The following ZFHX3 variants were observed in gnomAD, a reference collection of about 807,000 sequenced individuals.
ZFHX3 encodes the protein zinc finger homeobox protein 3.
ZFHX3 carries 42 observed loss-of-function variants against 279.1 expected under a neutral mutation model. That is an observed-to-expected ratio of 0.15 (90% CI 0.12 to 0.19). The LOEUF is 0.19. Among genes scored for constraint, ZFHX3 ranks in the 10% least tolerant of loss-of-function variants. The pLI, the probability that ZFHX3 is intolerant of heterozygous loss-of-function variation, is 1.00. For missense variants in ZFHX3, 4,981 were observed against 4,754.0 expected, an observed-to-expected ratio of 1.05 and a Z score of -1.40; for synonymous variants, 2,293 against 1,957.8, an observed-to-expected ratio of 1.17 and a Z score of -4.52.
chr16:72,795,779 A>G lies in ZFHX3; in HGVS notation c.6903T>C (p.Tyr2301=), dbSNP rs768985188. ...CATCTTTGCCCTCTCCCTGATTCTC[A>G]TAATTCTTCCTGGCCTTCTGTCGGG... ...QNARQKARKN[Y]ENQGEGKDGE... The change falls in exon 9 of 10, where the codon TAT becomes TAC. Residue 2301 remains tyrosine, a synonymous_variant. Coordinates refer to ENST00000268489, the MANE Select transcript of ZFHX3 (RefSeq NM_006885.4). 5.0e-5 allele frequency: 81 copies of G among 1,614,082 alleles called. No individual in the cohort carries two copies. The highest frequency in any genetic ancestry group is 6.0e-5 in the Non-Finnish European group (71 of 1,180,032).
intron 4 of ZFHX3, among the ~76,000 whole-genome samples, chr16:73,261,042 C>A (rs1426324821): frequency 6.6e-6 from 1 of 152,088 alleles, no homozygotes; most frequent in Non-Finnish European, 1.5e-5. Flanking sequence ...AGCAGATATG[C>A]CCACACACTT....
intron 3 of ZFHX3, among the ~76,000 whole-genome samples, chr16:72,910,438 T>C (rs1444438272): frequency 6.6e-6 from 1 of 152,232 alleles, no homozygotes; most frequent in Non-Finnish European, 1.5e-5. Flanking sequence ...GAACAAGTGA[T>C]CAGGAAATCT....
At chr16:73,475,030 A>G (rs1309979707) in intron 2 of ZFHX3, among the ~76,000 whole-genome samples, 1 of 152,028 alleles carries the variant, frequency 6.6e-6, no homozygotes, top group Admixed American at 6.6e-5. Context: ...GTCTCTTGGG[A>G]TTCCTCATCC....
rs886922274 is a variant in ZFHX3 at position 73,237,528 on chromosome 16, C to CTTTTTTT, written c.-1104+19512_-1104+19518dup. Among the ~76,000 whole-genome samples, 250 of 84,168 alleles carry CTTTTTTT rather than the reference C, an allele frequency of 3.0e-3. 7 individuals are homozygous for CTTTTTTT. The highest frequency in any genetic ancestry group is 4.3e-3 in the Non-Finnish European group (190 of 44,270). 55.2% of individuals were successfully genotyped at this position (84,168 alleles called of 152,430 possible). On this transcript the variant is annotated intron_variant, in intron 5 of 17. Transcript: ENST00000641206. ...ATGGGTGTGAGCCACCAAATGCAGCCTTTTTTTTTTTTTTTTTTTTTTTGG... is the reference window on the plus strand; with the variant it reads ...ATGGGTGTGAGCCACCAAATGCAGCCTTTTTTTTTTTTTTTTTTTTTTTTTTTTTTGG...
upstream of ZFHX3, among the ~76,000 whole-genome samples, chr16:73,063,839 A>C (rs1471265655): frequency 6.6e-6 from 1 of 152,182 alleles, no homozygotes. Flanking sequence ...AAATTTTTAC[A>C]CCTGAAAGGT....
intron 2 of ZFHX3, among the ~76,000 whole-genome samples, chr16:73,532,645 A>G (rs965868670): frequency 2.0e-5 from 3 of 152,174 alleles, no homozygotes; most frequent in African/African-American, 7.2e-5. Flanking sequence ...TTAGTCAACT[A>G]ACCTAATCTC....
chr16:73,795,326 C>T (rs1194150778), intron 1 of ZFHX3, among the ~76,000 whole-genome samples: 1 of 152,156 alleles, frequency 6.6e-6, no homozygotes, highest in Non-Finnish European at 1.5e-5. Flanking sequence ...TTTGAGGACC[C>T]CTCTTGCTCA....
intron 4 of ZFHX3, among the ~76,000 whole-genome samples, chr16:72,880,632 T>C (rs759992970): frequency 6.6e-6 from 1 of 152,190 alleles, no homozygotes; most frequent in Non-Finnish European, 1.5e-5. Flanking sequence ...CTTTATAATA[T>C]GACAATTTTT....
rs143283838 is a variant in ZFHX3, at chr16:73,006,463, A to C, written c.-50+41289T>G. ...CATAGTGAGACCCCAATCTCTATGA[A>C]AAAAAAAATTAAAGCCCAGCATGGT... is the stretch of plus-strand genomic sequence containing the variant. On this transcript the variant is annotated intron_variant, in intron 1 of 9. Coordinates refer to ENST00000268489, the MANE Select transcript of ZFHX3 (RefSeq NM_006885.4). Among the ~76,000 whole-genome samples, 373 of 151,874 alleles carry C rather than the reference A, an allele frequency of 2.5e-3. 1 individual carries two copies. The highest frequency in any genetic ancestry group is 8.4e-3 in the African/African-American group (349 of 41,410).
chr16:73,210,769 A>G (rs1344044063), intron 5 of ZFHX3, among the ~76,000 whole-genome samples: 1 of 152,222 alleles, frequency 6.6e-6, no homozygotes, highest in Non-Finnish European at 1.5e-5. Context: ...GTGGGGGAAC[A>G]AGAGAGATGG....
At chr16:73,372,739 G>A (rs1021566779) in intron 3 of ZFHX3, among the ~76,000 whole-genome samples, 1 of 152,216 alleles carries the variant, frequency 6.6e-6, no homozygotes, top group African/African-American at 2.4e-5. Flanking sequence ...TGACACTGGA[G>A]AGAAGCACAG....
chr16:73,367,504 T>A (rs1287715380), intron 3 of ZFHX3, among the ~76,000 whole-genome samples: 1 of 152,192 alleles, frequency 6.6e-6, no homozygotes, highest in Non-Finnish European at 1.5e-5. Context: ...AACATTCTGG[T>A]GCTGTTCTGA....
chr16:73,182,615 A>C (rs2144880111), intron 5 of ZFHX3, among the ~76,000 whole-genome samples: 1 of 152,352 alleles, frequency 6.6e-6, no homozygotes, highest in East Asian at 1.9e-4. Context: ...CACTATCCAC[A>C]ATAGCAAAGA....
chr16:73,872,321 A>G (rs1436192846), intron 1 of ZFHX3, among the ~76,000 whole-genome samples: 2 of 151,636 alleles, frequency 1.3e-5, no homozygotes, highest in Admixed American at 6.6e-5. Context: ...GGCTCACTGC[A>G]GCCTCCACCT....
At chr16:73,132,209 C>T (rs1004241470) in intron 6 of ZFHX3, among the ~76,000 whole-genome samples, 2 of 152,102 alleles carry the variant, frequency 1.3e-5, no homozygotes, top group African/African-American at 4.8e-5. Context: ...CACTTGAGCC[C>T]AGGAGAATGA....
At chr16:73,732,102 A>T (rs1269182152) in intron 1 of ZFHX3, among the ~76,000 whole-genome samples, 1 of 152,228 alleles carries the variant, frequency 6.6e-6, no homozygotes. Context: ...CTACCAATTA[A>T]GCCAGTGTAA....
intron 8 of ZFHX3, among the ~76,000 whole-genome samples, chr16:73,065,196 C>CTGGGCCAG (rs1452834304): frequency 1.3e-5 from 2 of 152,216 alleles, no homozygotes; most frequent in Admixed American, 1.3e-4. Flanking sequence ...TGCACATAGC[C>CTGGGCCAG]CTCCTGGGCC....
chr16:73,689,642 A>C (rs1043188059), intron 1 of ZFHX3, among the ~76,000 whole-genome samples: 3 of 152,210 alleles, frequency 2.0e-5, no homozygotes, highest in Non-Finnish European at 4.4e-5. Context: ...GCAGCATGGC[A>C]GGTCCATGAG....
intron 2 of ZFHX3, among the ~76,000 whole-genome samples, chr16:73,563,170 TTG>T (rs200933190): frequency 0.09 from 12,139 of 134,246 alleles, 585 homozygotes; most frequent in East Asian, 0.19. Flanking sequence ...TTTTGTTTTG[TTG>T]TGTGTGTGTG....
Sources: gnomAD v4.1 joint callset for allele counts (sites outside exome capture counted in the v4.1 genomes callset) on GRCh38, gnomAD v4.1.1 for gene constraint, MANE v1.5 for transcripts, NCBI Gene and HGNC (gene_info 2026-07-23, HGNC 2026-07-21) for gene names.